Variants in RNF181 observed in about 807,000 individuals in gnomAD.
The protein encoded by RNF181 is ring finger protein 181, also known as E3 ubiquitin-protein ligase RNF181.
A neutral mutation model predicts 23.3 loss-of-function variants in RNF181; 25 were observed. The ratio of observed to expected loss-of-function variants is 1.07; its 90% CI spans 0.78 to 1.50. The LOEUF is 1.50. Among genes scored for constraint, RNF181 ranks in the 40% most tolerant of loss-of-function variants. RNF181 has a pLI of 0.00. For synonymous variants in RNF181, 62 were observed against 70.9 expected (o/e 0.87, Z 0.63); for missense variants, 167 against 191.1 (o/e 0.87, Z 0.74).
intron 3 of RNF181, 31 bp from the exon 4 acceptor site, chr2:85,597,073 C>A (rs1280614457): frequency 6.2e-7 from 1 of 1,613,994 alleles, no homozygotes; most frequent in African/African-American, 1.3e-5. Context: ...AAGATCAGAC[C>A]AAGGCTAGAA....
rs1378425328 is a variant in RNF181 at position 85,596,948 on chromosome 2, T to A, written c.327+17T>A. On this transcript the variant is annotated intron_variant, in intron 3 of 4. Transcript: ENST00000306368. ...CTAAGCAAGGTACTGCTTCTCTTCT[T>A]CTAGCTCTCACCGTGCCCTGGGCCC... 3 of 1,614,180 alleles carry A rather than the reference T, an allele frequency of 1.9e-6. No individual in the cohort carries two copies. In the South Asian group the frequency reaches 3.3e-5, roughly 18 times the overall value.
intron 1 of RNF181, 81 bp from the exon 2 acceptor site, chr2:85,596,438 G>GT: frequency 7.0e-7 from 1 of 1,428,446 alleles, no homozygotes; most frequent in Non-Finnish European, 9.5e-7. Flanking sequence ...TGGGCAGCGT[G>GT]TTTATTAATG....
At chr2:85,596,363 C>T (rs1202608331) in intron 1 of RNF181, among the ~76,000 whole-genome samples, 156 bp from the exon 2 acceptor site, 1 of 152,022 alleles carries the variant, frequency 6.6e-6, no homozygotes, top group Non-Finnish European at 1.5e-5. Flanking sequence ...TAAACTATTT[C>T]CCATCGTGCT....
At chr2:85,596,773 G>A (rs1319111373) in intron 2 of RNF181, 49 bp from the exon 3 acceptor site, 1 of 1,610,054 alleles carries the variant, frequency 6.2e-7, no homozygotes, top group South Asian at 1.1e-5. Context: ...GTGGGAGCTT[G>A]GGAGGCAGAG....
At chr2:85,596,977 A>G (rs770356599) in intron 3 of RNF181, 46 bp downstream of exon 3, 4 of 1,613,988 alleles carry the variant, frequency 2.5e-6, no homozygotes, top group Non-Finnish European at 3.4e-6. Flanking sequence ...TGGGCCCAGT[A>G]CTCAAGCTTC....
intron 1 of RNF181, 108 bp from the exon 2 acceptor site, chr2:85,596,411 C>T (rs1221737585): frequency 3.5e-6 from 4 of 1,148,616 alleles, no homozygotes; most frequent in Non-Finnish European, 3.7e-6. Context: ...CTAAGGGTAG[C>T]TATTATTCCT....
rs2232743 is a variant in RNF181 at position 85,595,768 on chromosome 2, C to T, written c.5C>T (p.Ala2Val). ...GTGTCAGAAGGCTGGGCAGCCATGG[C>T]GTCCTATTTCGATGAACACGACTGC... The part of the protein sequence containing the change: M[A>V]SYFDEHDCEP... The change falls in exon 1 of 5, where the codon GCG becomes GTG. Residue 2 changes from alanine to valine, a missense_variant. Coordinates refer to ENST00000306368, the MANE Select transcript of RNF181 (RefSeq NM_016494.4). The T allele has an allele frequency of 3.1e-6, 5 of 1,613,676 alleles. No homozygotes were observed. Among genetic ancestry groups the T allele is most frequent in the African/African-American group, 1.3e-5 (1 of 75,030 alleles).
At position 85,595,789 on chromosome 2, in the gene RNF181, A is replaced by C. The variant is rs1440263138; in HGVS notation, c.26A>C (p.Asp9Ala). ...ATGGCGTCCTATTTCGATGAACACGACTGCGAGCCGTCGGACCCTGAGCAG... is the reference window on the plus strand; with the variant it reads ...ATGGCGTCCTATTTCGATGAACACGCCTGCGAGCCGTCGGACCCTGAGCAG... MASYFDEH[D>A]CEPSDPEQET... The change falls in exon 1 of 5, where the codon GAC becomes GCC. Residue 9 changes from aspartate to alanine, a missense_variant. Physicochemically the swap from Asp to Ala is moderately radical, Grantham distance 126. Coordinates refer to ENST00000306368, the MANE Select transcript of RNF181 (RefSeq NM_016494.4). 1.2e-6 allele frequency: 2 copies of C among 1,613,864 alleles called. No homozygotes were observed. Among genetic ancestry groups the C allele is most frequent in the Non-Finnish European group, 1.7e-6 (2 of 1,180,010 alleles).
chr2:85,595,797 C>T lies in RNF181; in HGVS notation c.34C>T (p.Pro12Ser). The change falls in exon 1 of 5, where the codon CCG (proline) becomes TCG (serine). Residue 12 changes from proline to serine, a missense_variant. Physicochemically the swap from Pro to Ser is moderately conservative, Grantham distance 74. Transcript: ENST00000306368. ...CTATTTCGATGAACACGACTGCGAGCCGTCGGACCCTGAGCAGGAGACGCG... is the reference window on the plus strand; with the variant it reads ...CTATTTCGATGAACACGACTGCGAGTCGTCGGACCCTGAGCAGGAGACGCG... The part of the protein sequence containing the change: ...ASYFDEHDCE[P>S]SDPEQETRTN... 1 of 1,614,046 alleles carries T rather than the reference C, an allele frequency of 6.2e-7. No individual in the cohort carries two copies. The highest frequency in any genetic ancestry group is 1.1e-5 in the South Asian group (1 of 91,078).
chr2:85,597,084 C>A lies in RNF181; in HGVS notation c.328-20C>A, dbSNP rs1288448938. 23 of 1,614,156 alleles carry A rather than the reference C, an allele frequency of 1.4e-5. No individual in the cohort carries two copies. The highest frequency in any genetic ancestry group is 1.9e-5 in the Non-Finnish European group (23 of 1,180,022). ...TATGAAGATCAGACCAAGGCTAGAA[C>A]ACTACTCTACTTTTCTCAGACAAAT... On this transcript the variant is annotated intron_variant, in intron 3 of 4. Transcript: ENST00000306368.
chr2:85,597,450 A>C lies in RNF181; in HGVS notation c.408A>C (p.Arg136=). The C allele has an allele frequency of 6.2e-7, 1 of 1,609,900 alleles. No individual in the cohort carries two copies. The stretch of plus-strand genomic sequence containing the variant: ...GCATGCCTTCTTTCCTTCAGGCTCG[A>C]AAACAGCAGCAGCAACACCGACTGG... ...TYEEHRRDKA[R]KQQQQHRLEN... The change falls in exon 5 of 5, where the codon CGA becomes CGC. Residue 136 remains arginine, a synonymous_variant. Coordinates refer to ENST00000306368, the MANE Select transcript of RNF181 (RefSeq NM_016494.4).
chr2:85,596,324 T>G (rs530351922), intron 1 of RNF181, among the ~76,000 whole-genome samples, 195 bp from the exon 2 acceptor site: 12 of 151,878 alleles, frequency 7.9e-5, no homozygotes, highest in Non-Finnish European at 1.5e-5. Flanking sequence ...ATAAACACTT[T>G]ACGTGCTGGG....
Position 85,595,861 on chromosome 2 carries a change from G to A in RNF181, c.86+12G>A. 1.9e-6 allele frequency: 3 copies of A among 1,612,652 alleles called. No homozygotes were observed. The highest frequency in any genetic ancestry group is 2.5e-6 in the Non-Finnish European group (3 of 1,179,212). ...CTGGAGCTCGCAAGGTGGGTGCGCG[G>A]GGCTTGGGGATAGGGTCCAACCAGC... On this transcript the variant is annotated intron_variant, in intron 1 of 4. Coordinates refer to ENST00000306368, the MANE Select transcript of RNF181 (RefSeq NM_016494.4).
At chr2:85,595,995 G>C in intron 1 of RNF181, 146 bp downstream of exon 1, 1 of 716,042 alleles carries the variant, frequency 1.4e-6, no homozygotes, top group East Asian at 2.7e-5. Flanking sequence ...GAGACTGAGG[G>C]GTGTGGGGAT....
At position 85,597,085 on chromosome 2, in the gene RNF181, A is replaced by G; in HGVS notation, c.328-19A>G. On this transcript the variant is annotated intron_variant, in intron 3 of 4. Coordinates refer to ENST00000306368, the MANE Select transcript of RNF181 (RefSeq NM_016494.4). ...ATGAAGATCAGACCAAGGCTAGAAC[A>G]CTACTCTACTTTTCTCAGACAAATT... 1 of 1,614,130 alleles carries G rather than the reference A, an allele frequency of 6.2e-7. No homozygotes were observed. Among genetic ancestry groups the G allele is most frequent in the East Asian group, 2.2e-5 (1 of 44,872 alleles).
chr2:85,596,555 G>A lies in RNF181; in HGVS notation c.123G>A (p.Gly41=). Reference sequence around the variant, plus strand: ...ATAGGATGGACTTTGAAGACTTGGGGTTGGTAGTAGATTGGGACCACCACC... The same window carrying A: ...ATAGGATGGACTTTGAAGACTTGGGATTGGTAGTAGATTGGGACCACCACC... ...LFNRMDFEDL[G]LVVDWDHHLP... The change falls in exon 2 of 5, where the codon GGG becomes GGA. Residue 41 remains glycine, a synonymous_variant. Coordinates refer to ENST00000306368, the MANE Select transcript of RNF181 (RefSeq NM_016494.4). 1.9e-6 allele frequency: 3 copies of A among 1,613,890 alleles called. No individual in the cohort carries two copies. Among genetic ancestry groups the A allele is most frequent in the Middle Eastern group, 1.7e-4 (1 of 6,060 alleles).
intron 1 of RNF181, 117 bp from the exon 2 acceptor site, chr2:85,596,401 CT>C: frequency 9.5e-7 from 1 of 1,058,020 alleles, no homozygotes; most frequent in Non-Finnish European, 1.3e-6. Context: ...CTACTAACTA[CT>C]AAGGGTAGCT....
intron 4 of RNF181, 24 bp downstream of exon 4, chr2:85,597,202 G>A: frequency 6.3e-7 from 1 of 1,594,146 alleles, no homozygotes; most frequent in Non-Finnish European, 8.6e-7. Flanking sequence ...CTTAAGTGGA[G>A]GGGTCGTAAT....
chr2:85,597,201 A>G, intron 4 of RNF181, 23 bp downstream of exon 4: 1 of 1,593,248 alleles, frequency 6.3e-7, no homozygotes. Context: ...GCTTAAGTGG[A>G]GGGGTCGTAA....
Sources: allele counts gnomAD v4.1 joint callset (sites outside exome capture counted in the v4.1 genomes callset), GRCh38; gene constraint gnomAD v4.1.1; transcripts MANE v1.5; gene names NCBI Gene and HGNC (gene_info 2026-07-23, HGNC 2026-07-21).